ARFGEF1: variants seen among roughly 807,000 people sequenced by gnomAD.
ARFGEF1 encodes the protein brefeldin A-inhibited guanine nucleotide-exchange protein 1.
In ARFGEF1, 42 loss-of-function variants were observed where a neutral mutation model predicts 231.0. The ratio of observed to expected loss-of-function variants is 0.18; its 90% CI spans 0.14 to 0.24. The LOEUF (loss-of-function observed/expected upper bound fraction) is 0.24, where lower values mean the gene tolerates loss of function less well. Among genes scored for constraint, ARFGEF1 ranks in the 10% least tolerant of loss-of-function variants. The pLI is 1.00. For missense variants in ARFGEF1, 1,345 were observed against 2,192.0 expected, an observed-to-expected ratio of 0.61 and a Z score of 7.72; for synonymous variants, 710 against 732.3, an observed-to-expected ratio of 0.97 and a Z score of 0.49.
chr8:67,260,124 G>A (rs1381347713), intron 14 of ARFGEF1, among the ~76,000 whole-genome samples, 198 bp from the exon 15 acceptor site: 1 of 151,990 alleles, frequency 6.6e-6, no homozygotes, highest in East Asian at 1.9e-4. Context: ...AGTCTCATAT[G>A]GAAGGCCATC....
At chr8:67,250,006 C>T (rs1220080562) in intron 19 of ARFGEF1, among the ~76,000 whole-genome samples, 1 of 152,132 alleles carries the variant, frequency 6.6e-6, no homozygotes, top group Non-Finnish European at 1.5e-5. Context: ...TATGAATGCC[C>T]TGAAGAGAAA....
chr8:67,223,056 G>A (rs1445894393), intron 29 of ARFGEF1, among the ~76,000 whole-genome samples: 1 of 152,226 alleles, frequency 6.6e-6, no homozygotes, highest in Admixed American at 6.5e-5. Flanking sequence ...ATGCATTGCA[G>A]AGAACATACT....
At chr8:67,330,594 T>C (rs917765162) in intron 1 of ARFGEF1, among the ~76,000 whole-genome samples, 5 of 152,182 alleles carry the variant, frequency 3.3e-5, no homozygotes, top group Non-Finnish European at 7.4e-5. Flanking sequence ...AAAAATTTTT[T>C]CTCTAATAAT....
rs1249197041 is a variant in ARFGEF1, at chr8:67,311,574, G to A, written c.125-9108C>T. ...GTCTGGGAGGGAGATGGGGGGGTCA[G>A]CCCCCCGCCTGGCCAGCCGCCTCGT... is the stretch of plus-strand genomic sequence containing the variant. On this transcript the variant is annotated intron_variant, in intron 1 of 38. Transcript: ENST00000262215. Among the ~76,000 whole-genome samples the A allele has an allele frequency of 2.5e-4, 36 of 143,010 alleles. 1 individual carries two copies. Among genetic ancestry groups the A allele is most frequent in the African/African-American group, 9.1e-4 (35 of 38,430 alleles). The allele number at this position is 143,010 out of a possible 152,430, so 93.8% of individuals were successfully genotyped here.
Position 67,224,803 on chromosome 8 carries a change from T to C in ARFGEF1, c.4208+100A>G, listed in dbSNP as rs74586202. The C allele has an allele frequency of 8.4e-5, 64 of 764,616 alleles. No individual in the cohort carries two copies. The East Asian group carries it at 2.0e-3, about 24-fold the overall frequency. The allele number at this position is 764,616 out of a possible 1,614,324, so 47.4% of individuals were successfully genotyped here. On this transcript the variant is annotated intron_variant, in intron 29 of 38. Transcript: ENST00000262215. Reference sequence around the variant, plus strand: ...TTAATATATTTGACAAAACACTTGATTTTATGGTCTTTAACTGTGAGATTG... The same window carrying C: ...TTAATATATTTGACAAAACACTTGACTTTATGGTCTTTAACTGTGAGATTG...
At chr8:67,291,815 C>T in intron 6 of ARFGEF1, 32 bp downstream of exon 6, 3 of 1,601,290 alleles carry the variant, frequency 1.9e-6, no homozygotes, top group Non-Finnish European at 2.6e-6. Flanking sequence ...TCCCTTAACA[C>T]ACACCCCAAA....
At chr8:67,340,048 G>A (rs1232789460) in intron 1 of ARFGEF1, among the ~76,000 whole-genome samples, 1 of 151,732 alleles carries the variant, frequency 6.6e-6, no homozygotes, top group African/African-American at 2.4e-5. Flanking sequence ...TACACAATAA[G>A]CTGTAATTTC....
downstream of ARFGEF1, among the ~76,000 whole-genome samples, chr8:67,194,994 AAAG>A (rs548788191): frequency 1.1e-3 from 160 of 152,270 alleles, 1 homozygote; most frequent in African/African-American, 3.8e-3. Flanking sequence ...TAAAAAGAAA[AAAG>A]AAAGAAATTT....
At position 67,287,971 on chromosome 8, in the gene ARFGEF1, C is replaced by T. The variant is rs1402249926; in HGVS notation, c.1011G>A (p.Val337=). The change falls in exon 7 of 39, where the codon GTG becomes GTA. Residue 337 remains valine, a synonymous_variant. Transcript: ENST00000262215. ...DIVQNIVEEM[V]NIVVGDMGEG... The stretch of plus-strand genomic sequence containing the variant: ...GTATACTACCTCCAACAACAATGTT[C>T]ACCATTTCTTCTACAATGTTCTGTA... 1 of 1,588,276 alleles carries T rather than the reference C, an allele frequency of 6.3e-7. No homozygotes were observed. The highest frequency in any genetic ancestry group is 1.4e-5 in the African/African-American group (1 of 73,318).
chr8:67,180,284 G>A (rs964690823), intron 5 of ARFGEF1, among the ~76,000 whole-genome samples: 1 of 152,176 alleles, frequency 6.6e-6, no homozygotes, highest in Admixed American at 6.5e-5. Flanking sequence ...ACAAAGTTTT[G>A]AAACTTGGAT....
At position 67,291,880 on chromosome 8, in the gene ARFGEF1, G is replaced by T. The variant is rs1806025994; in HGVS notation, c.883C>A (p.Gln295Lys). 2 of 1,613,698 alleles carry T rather than the reference G, an allele frequency of 1.2e-6. No homozygotes were observed. Among genetic ancestry groups the T allele is most frequent in the Non-Finnish European group, 1.7e-6 (2 of 1,179,854 alleles). ...GCAGTTGCCTGATCAGCTTCAGTCT[G>T]TTCATTTTCTGCACTGGAAATATCA... ...GSDISSAENE[Q>K]TEADQATAAE... Residue 295 changes from glutamine (Q) to lysine (K), a missense_variant, in exon 6 of 39, where the codon CAG becomes AAG. Physicochemically the swap from Gln to Lys is moderately conservative, Grantham distance 53. Around this residue, in one of 14 missense-constraint regions of ARFGEF1, gnomAD observed 398 missense variants for 463.2 expected, o/e 0.86. Transcript: ENST00000262215.
intron 5 of ARFGEF1, among the ~76,000 whole-genome samples, chr8:67,181,164 A>G (rs1832925969): frequency 6.6e-6 from 1 of 151,728 alleles, no homozygotes; most frequent in Non-Finnish European, 1.5e-5. Flanking sequence ...CAGCCTCCCC[A>G]GTAGCTGGGA....
chr8:67,291,473 T>A (rs1210308143), intron 6 of ARFGEF1, among the ~76,000 whole-genome samples: 1 of 151,780 alleles, frequency 6.6e-6, no homozygotes, highest in Non-Finnish European at 1.5e-5. Context: ...TTTTTTAAAA[T>A]TTTCAGTCAT....
At chr8:67,180,897 T>C (rs958638405) in intron 5 of ARFGEF1, among the ~76,000 whole-genome samples, 1 of 152,206 alleles carries the variant, frequency 6.6e-6, no homozygotes, top group Non-Finnish European at 1.5e-5. Context: ...TTATGTACTC[T>C]GATCATGAGT....
At chr8:67,274,496 G>C (rs1039020662) in intron 9 of ARFGEF1, among the ~76,000 whole-genome samples, 2 of 151,826 alleles carry the variant, frequency 1.3e-5, no homozygotes, top group Non-Finnish European at 2.9e-5. Context: ...TAAGTATAAG[G>C]CTTGTTAATT....
At chr8:67,308,229 G>C (rs561125748) in intron 1 of ARFGEF1, among the ~76,000 whole-genome samples, 11 of 152,176 alleles carry the variant, frequency 7.2e-5, no homozygotes, top group Non-Finnish European at 1.6e-4. Context: ...CTGACACACA[G>C]AACCTGTAAG....
At chr8:67,209,181 CA>C (rs1348591161) in intron 34 of ARFGEF1, among the ~76,000 whole-genome samples, 1 of 152,168 alleles carries the variant, frequency 6.6e-6, no homozygotes, top group Non-Finnish European at 1.5e-5. Context: ...ACAGGTGAAA[CA>C]AATACAAACG....
chr8:67,209,154 A>C (rs80154491), intron 34 of ARFGEF1, among the ~76,000 whole-genome samples: 5,749 of 152,328 alleles, frequency 0.038, 257 homozygotes, highest in African/African-American at 0.09. Context: ...TTTGTAGCAG[A>C]ACTATTCATG....
intron 5 of ARFGEF1, among the ~76,000 whole-genome samples, chr8:67,177,278 A>G (rs1252909676): frequency 6.6e-6 from 1 of 152,122 alleles, no homozygotes. Context: ...CTGATCCAAG[A>G]TCTTTGCCTC....
Sources: allele counts gnomAD v4.1 joint callset (sites outside exome capture counted in the v4.1 genomes callset), GRCh38; gene constraint gnomAD v4.1.1; regional missense constraint gnomAD v4.1.1; transcripts MANE v1.5; gene names NCBI Gene and HGNC (gene_info 2026-07-23, HGNC 2026-07-21).